The following PTPRS variants were observed in gnomAD, a reference collection of about 807,000 sequenced individuals.
PTPRS encodes protein tyrosine phosphatase receptor type S, also known as receptor-type tyrosine-protein phosphatase S.
A neutral mutation model predicts 215.3 loss-of-function variants in PTPRS; 63 were observed. That is an observed-to-expected ratio of 0.29 (90% confidence interval 0.24 to 0.36). The LOEUF (loss-of-function observed/expected upper bound fraction) is 0.36, where lower values mean the gene tolerates loss of function less well. Ranked by LOEUF, PTPRS falls within the 10% of genes least tolerant of loss-of-function variation. The probability of loss-of-function intolerance (pLI) is 1.00; values close to 1 mark genes in which losing one functional copy is unlikely to be tolerated. For synonymous variants in PTPRS, 1,404 were observed against 1,191.4 expected (o/e 1.18, Z -3.68); for missense variants, 2,258 against 2,825.8 (o/e 0.80, Z 4.56).
At chr19:5,213,348 C>T (rs990501249) in intron 30 of PTPRS, among the ~76,000 whole-genome samples, 3 of 70,124 alleles carry the variant, frequency 4.3e-5, no homozygotes, top group African/African-American at 8.0e-5. Context: ...CCAAGGCCCA[C>T]AGGATCCTGC....
intron 22 of PTPRS, 21 bp downstream of exon 22, chr19:5,219,918 C>A: frequency 6.2e-7 from 1 of 1,609,550 alleles, no homozygotes; most frequent in Non-Finnish European, 8.5e-7. Context: ...TGGATGTGGG[C>A]GGACACCATT....
In PTPRS at chr19:5,231,410, G is replaced by A. The variant is rs2043002417; in HGVS notation, c.2055C>T (p.Ala685=). The A allele has an allele frequency of 1.9e-6, 3 of 1,612,990 alleles. No individual in the cohort carries two copies. The highest frequency in any genetic ancestry group is 1.1e-5 in the South Asian group (1 of 91,062). Residue 685 remains alanine, a synonymous_variant, in exon 14 of 38, where the codon GCC becomes GCT. Coordinates refer to ENST00000262963, the MANE Select transcript of PTPRS (RefSeq NM_002850.4). ...TGCGGTACTGGGTCCACTTCTCCAA[G>A]GCCTCCAGCAGGATCTGAGTGGTGG... is the stretch of plus-strand genomic sequence containing the variant. ...PPTTTQILLE[A]LEKWTQYRIT...
chr19:5,303,531 C>A (rs1269874407), intron 1 of PTPRS, among the ~76,000 whole-genome samples: 2 of 151,962 alleles, frequency 1.3e-5, no homozygotes, highest in Non-Finnish European at 2.9e-5. Flanking sequence ...GAGGACACAG[C>A]ACGTGTAAAG....
chr19:5,279,945 A>G lies in PTPRS; in HGVS notation c.92-5601T>C, dbSNP rs111483226. ...TGATCCACCCACCTTGGCCTCCCAA[A>G]GTGCTGGGATTACAGGCGTGAGCCA... On this transcript the variant is annotated intron_variant, in intron 2 of 37. Transcript: ENST00000262963. Among the ~76,000 whole-genome samples, 189 of 152,322 alleles carry G rather than the reference A, an allele frequency of 1.2e-3. 1 individual carries two copies. Among genetic ancestry groups the G allele is most frequent in the African/African-American group, 4.1e-3 (171 of 41,572 alleles).
In PTPRS at chr19:5,309,667, G is replaced by C. The variant is rs1027200245; in HGVS notation, c.-94-23433C>G. On this transcript the variant is annotated intron_variant, in intron 1 of 37. Transcript: ENST00000262963. ...TCAGCTCATCTTCTCCGTCTTTACC[G>C]ATGTTCAGGACAGAGGCCTGGGAGT... 7.2e-5 allele frequency among the ~76,000 whole-genome samples: 11 copies of C among 152,188 alleles called. No homozygotes were observed. The East Asian group carries it at 1.5e-3, about 21-fold the overall frequency.
intron 1 of PTPRS, among the ~76,000 whole-genome samples, chr19:5,305,496 A>AT (rs1219479637): frequency 6.6e-6 from 1 of 152,016 alleles, no homozygotes; most frequent in Non-Finnish European, 1.5e-5. Context: ...GCAGTGAGCT[A>AT]TAATAGTGCC....
In PTPRS at chr19:5,222,978, G is replaced by T. The variant is rs1007774029; in HGVS notation, c.2814C>A (p.Ala938=). The T allele has an allele frequency of 6.5e-7, 1 of 1,541,202 alleles. No homozygotes were observed. The highest frequency in any genetic ancestry group is 2.4e-5 in the East Asian group (1 of 40,936). ...PRGHPQILEA[A]GNASAGTVLL... ...GGACGGTCCCGGCCGAGGCGTTGCCGGCCGCCTCCAGAATCTGCGGGTGGC... is the reference window on the plus strand; with the variant it reads ...GGACGGTCCCGGCCGAGGCGTTGCCTGCCGCCTCCAGAATCTGCGGGTGGC... The change falls in exon 18 of 38, where the codon GCC becomes GCA. Residue 938 remains alanine, a synonymous_variant. Transcript: ENST00000262963.
chr19:5,305,473 G>A (rs556397007), intron 1 of PTPRS, among the ~76,000 whole-genome samples: 2 of 152,220 alleles, frequency 1.3e-5, no homozygotes, highest in East Asian at 3.9e-4. Flanking sequence ...CTTGAGCCTT[G>A]GAGGTCGAGG....
chr19:5,278,008 A>T, intron 2 of PTPRS: 1 of 1,256,776 alleles, frequency 8.0e-7, no homozygotes, highest in East Asian at 2.3e-5. Context: ...ATGTGCAACA[A>T]ATCTCCCTGT....
At chr19:5,335,799 G>A (rs1389990011) in intron 1 of PTPRS, among the ~76,000 whole-genome samples, 5 of 152,090 alleles carry the variant, frequency 3.3e-5, no homozygotes, top group African/African-American at 9.7e-5. Flanking sequence ...GGTGGGATCC[G>A]CGGGAATCAG....
intron 2 of PTPRS, among the ~76,000 whole-genome samples, chr19:5,282,259 C>G (rs2047918896): frequency 6.6e-6 from 1 of 152,202 alleles, no homozygotes; most frequent in Non-Finnish European, 1.5e-5. Context: ...CTTCTCCAGG[C>G]AGCTTTGGGA....
At chr19:5,215,860 A>C (rs569207784) in intron 26 of PTPRS, among the ~76,000 whole-genome samples, 15 of 152,232 alleles carry the variant, frequency 9.9e-5, no homozygotes, top group African/African-American at 3.1e-4. Flanking sequence ...CCTGGATCAC[A>C]GCATTGGCCC....
At chr19:5,322,490 A>G (rs2050051047) in intron 1 of PTPRS, among the ~76,000 whole-genome samples, 1 of 151,978 alleles carries the variant, frequency 6.6e-6, no homozygotes, top group Admixed American at 6.6e-5. Flanking sequence ...GACCGACTCG[A>G]GCCCGCCCCG....
chr19:5,243,353 C>T (rs558224959), intron 11 of PTPRS, among the ~76,000 whole-genome samples: 302 of 151,940 alleles, frequency 2.0e-3, no homozygotes, highest in Non-Finnish European at 3.3e-3. Context: ...CCAGGCTGGT[C>T]TCAAACTCCT....
chr19:5,325,294 G>T (rs561551643), intron 1 of PTPRS, among the ~76,000 whole-genome samples: 2 of 152,244 alleles, frequency 1.3e-5, no homozygotes, highest in Non-Finnish European at 2.9e-5. Flanking sequence ...ATATGGCACA[G>T]ACAGCTGCAA....
At chr19:5,225,115 A>G (rs899854695) in intron 17 of PTPRS, among the ~76,000 whole-genome samples, 3 of 151,626 alleles carry the variant, frequency 2.0e-5, no homozygotes, top group African/African-American at 4.9e-5. Context: ...TTTTGGCTGG[A>G]AAAAAAAGCC....
At chr19:5,290,846 G>A (rs922750268) in intron 1 of PTPRS, among the ~76,000 whole-genome samples, 21 of 151,842 alleles carry the variant, frequency 1.4e-4, no homozygotes, top group African/African-American at 3.1e-4. Flanking sequence ...CGCCTGGAAC[G>A]TCATTTCCAG....
At position 5,244,344 on chromosome 19, in the gene PTPRS, T is replaced by A; in HGVS notation, c.1127A>T (p.Tyr376Phe). ...EYKSKSQDGP[Y>F]QIKEDITTTR... ...GGTGGTGATGTCCTCTTTAATCTGA[T>A]ACGGCCCGTCTTGGCTCTTGGATTT... The change falls in exon 11 of 38, where the codon TAT becomes TTT. Residue 376 changes from tyrosine (Y) to phenylalanine (F), a missense_variant. Tyr to Phe is a conservative substitution (Grantham distance 22, BLOSUM62 3). This residue lies in a region of PTPRS where 508 missense variants were observed against 799.4 expected (regional missense o/e 0.64). Transcript: ENST00000262963. This position sits in a 1 kb window ranked among gnomAD's most constrained non-coding sequence, Gnocchi z 7.2. 1 of 1,614,208 alleles carries A rather than the reference T, an allele frequency of 6.2e-7. No individual in the cohort carries two copies. The highest frequency in any genetic ancestry group is 2.2e-5 in the East Asian group (1 of 44,884).
At position 5,262,967 on chromosome 19, in the gene PTPRS, A is replaced by G. The variant is rs779306635; in HGVS notation, c.574T>C (p.Phe192Leu). ...GRIKQLRSETFESTPIRGALQ... is the reference protein window; with the variant it reads ...GRIKQLRSETLESTPIRGALQ... ...GTGGTGATGAAATCAGACTTACCAA[A>G]GGTTTCTGAACGTTTACAACAGGAG... Residue 192 changes from phenylalanine to leucine, a missense_variant, in exon 6 of 38, where the codon TTT (phenylalanine) becomes CTT (leucine). By Grantham distance (22) the Phe-to-Leu change is conservative. Transcript: ENST00000262963. 1.1e-5 allele frequency: 16 copies of G among 1,488,766 alleles called. No individual in the cohort carries two copies. The South Asian group carries it at 1.7e-4, about 16-fold the overall frequency. The allele number at this position is 1,488,766 out of a possible 1,614,324, so 92.2% of individuals were successfully genotyped here.
Sources: gnomAD v4.1 joint callset for allele counts (sites outside exome capture counted in the v4.1 genomes callset) on GRCh38, gnomAD v4.1.1 for gene constraint, gnomAD v4.1.1 regional missense constraint, Gnocchi (gnomAD v3.1) non-coding constraint, MANE v1.5 for transcripts, NCBI Gene and HGNC (gene_info 2026-07-23, HGNC 2026-07-21) for gene names.